SLIT2: variants seen among roughly 807,000 people sequenced by gnomAD.
SLIT2 encodes slit homolog 2 protein.
In SLIT2, 41 loss-of-function variants were observed where a neutral mutation model predicts 185.7. That is an observed-to-expected ratio of 0.22 (90% CI 0.17 to 0.29). The LOEUF (loss-of-function observed/expected upper bound fraction) is 0.29. Ranked by LOEUF, SLIT2 falls within the 10% of genes least tolerant of loss-of-function variation. The pLI is 1.00. For missense variants in SLIT2, 1,571 were observed against 1,909.0 expected, an observed-to-expected ratio of 0.82 and a Z score of 3.30; for synonymous variants, 693 against 680.2, an observed-to-expected ratio of 1.02 and a Z score of -0.29.
intron 29 of SLIT2, among the ~76,000 whole-genome samples, chr4:20,578,564 C>T (rs915709987): frequency 1.3e-5 from 2 of 152,118 alleles, no homozygotes; most frequent in African/African-American, 4.8e-5. Flanking sequence ...GCAGTATCAG[C>T]TCCAGTACCC....
At chr4:20,478,401 G>C (rs774707980) in intron 5 of SLIT2, among the ~76,000 whole-genome samples, 3 of 152,178 alleles carry the variant, frequency 2.0e-5, no homozygotes, top group Non-Finnish European at 4.4e-5. Context: ...GTATAACCAT[G>C]AGCAATATTA....
In SLIT2 at chr4:20,461,363, A is replaced by T. The variant is rs140840509; in HGVS notation, c.396-6389A>T. Among the ~76,000 whole-genome samples the T allele has an allele frequency of 3.1e-3, 475 of 152,330 alleles. 5 individuals are homozygous for T. Among genetic ancestry groups the T allele is most frequent in the African/African-American group, 0.011 (453 of 41,574 alleles). On this transcript the variant is annotated intron_variant, in intron 4 of 36. Coordinates refer to ENST00000504154, the MANE Select transcript of SLIT2 (RefSeq NM_004787.4). Reference sequence around the variant, plus strand: ...TTTGCAGGTAACCCTAAGGAGGCCAATGTGGCTGAAATAGAGAGAATGAAA... The same window carrying T: ...TTTGCAGGTAACCCTAAGGAGGCCATTGTGGCTGAAATAGAGAGAATGAAA...
chr4:20,490,550 G>GT (rs751467659), intron 8 of SLIT2, among the ~76,000 whole-genome samples: 12 of 152,074 alleles, frequency 7.9e-5, no homozygotes, highest in Non-Finnish European at 1.2e-4. Flanking sequence ...ATAATGCATC[G>GT]TAAGTAGTTC....
chr4:20,367,402 A>T (rs899644471), intron 4 of SLIT2, among the ~76,000 whole-genome samples: 2 of 152,180 alleles, frequency 1.3e-5, no homozygotes, highest in Non-Finnish European at 2.9e-5. Context: ...TTTTTAAAGC[A>T]TATAAAACTA....
At position 20,610,043 on chromosome 4, in the gene SLIT2, C is replaced by T. The variant is rs374172850; in HGVS notation, c.3723C>T (p.His1241=). ...AGACAATCAATGATGGAAACTTCCA[C>T]ATTGTGGAACTACTTGCCTTGGATC... ...SVETINDGNF[H]IVELLALDQS... is the part of the protein sequence containing the mutation. Residue 1241 remains histidine (H), a synonymous_variant, in exon 34 of 37, where the codon CAC becomes CAT. Transcript: ENST00000504154. 10 of 1,613,038 alleles carry T rather than the reference C, an allele frequency of 6.2e-6. No individual in the cohort carries two copies. The African/African-American group carries it at 1.2e-4, about 19-fold the overall frequency.
chr4:20,319,430 T>C (rs1353113772), intron 4 of SLIT2, among the ~76,000 whole-genome samples: 1 of 152,140 alleles, frequency 6.6e-6, no homozygotes, highest in African/African-American at 2.4e-5. Context: ...TTAACAATTA[T>C]TATAAAACTA....
At chr4:20,255,185 G>A in intron 1 of SLIT2, 1 of 383,104 alleles carries the variant, frequency 2.6e-6, no homozygotes, top group Non-Finnish European at 5.1e-6. Context: ...CTTTGCCCCC[G>A]GGGTGTAAGG....
chr4:20,617,528 A>T lies in SLIT2; in HGVS notation c.4226A>T (p.Glu1409Val). 1.2e-6 allele frequency: 2 copies of T among 1,614,038 alleles called. No individual in the cohort carries two copies. Among genetic ancestry groups the T allele is most frequent in the Non-Finnish European group, 1.7e-6 (2 of 1,179,980 alleles). ...EGHGGVLCDEEEDLFNPCQAI... is the reference protein window; with the variant it reads ...EGHGGVLCDEVEDLFNPCQAI... The stretch of plus-strand genomic sequence containing the variant: ...CATGGAGGTGTCCTCTGTGATGAAG[A>T]GGAGGATCTGTTTAACCCATGCCAG... The change falls in exon 36 of 37, where the codon GAG (glutamate) becomes GTG (valine). Residue 1409 changes from glutamate (E) to valine (V), a missense_variant. Glu to Val is a moderately radical substitution (Grantham distance 121, BLOSUM62 -2). Around this residue, in one of 3 missense-constraint regions of SLIT2, gnomAD observed 223 missense variants for 245.2 expected, o/e 0.91. Coordinates refer to ENST00000504154, the MANE Select transcript of SLIT2 (RefSeq NM_004787.4).
chr4:20,542,340 C>A (rs141200492), intron 20 of SLIT2, among the ~76,000 whole-genome samples, 154 bp from the exon 21 acceptor site: 1 of 152,118 alleles, frequency 6.6e-6, no homozygotes, highest in Non-Finnish European at 1.5e-5. Context: ...ATAGAACTTA[C>A]GGTATCAATT....
At chr4:20,316,845 G>T (rs1443443848) in intron 4 of SLIT2, among the ~76,000 whole-genome samples, 2 of 148,084 alleles carry the variant, frequency 1.4e-5, no homozygotes, top group Non-Finnish European at 3.0e-5. Flanking sequence ...AATCTCCAGG[G>T]ATTCTTCCTA....
chr4:20,472,303 G>GATATATATCTATAT (rs1266183007), intron 5 of SLIT2, among the ~76,000 whole-genome samples: 4 of 30,972 alleles, frequency 1.3e-4, no homozygotes, highest in African/African-American at 4.0e-4. Context: ...TAGATATATA[G>GATATATATCTATAT]ATCTATATAT....
At chr4:20,367,513 A>G (rs1342021446) in intron 4 of SLIT2, among the ~76,000 whole-genome samples, 3 of 152,164 alleles carry the variant, frequency 2.0e-5, no homozygotes, top group East Asian at 1.9e-4. Flanking sequence ...GAGACATTTG[A>G]TATATTTTTA....
In SLIT2 at chr4:20,472,419, T is replaced by TATATATAG. The variant is rs1321048136; in HGVS notation, c.467+4601_467+4608dup. On this transcript the variant is annotated intron_variant, in intron 5 of 36. Coordinates refer to ENST00000504154, the MANE Select transcript of SLIT2 (RefSeq NM_004787.4). ...ATAGATATAGATATCTATATATCTA[T>TATATATAG]ATATATAGATATCTATAGATATATA... 6.5e-3 allele frequency among the ~76,000 whole-genome samples: 478 copies of TATATATAG among 73,840 alleles called. 7 individuals are homozygous for TATATATAG. The highest frequency in any genetic ancestry group is 0.015 in the Middle Eastern group (1 of 66). The allele number at this position is 73,840 out of a possible 152,430, so 48.4% of individuals were successfully genotyped here.
chr4:20,451,316 C>G (rs145882565), intron 4 of SLIT2, among the ~76,000 whole-genome samples: 455 of 152,312 alleles, frequency 3.0e-3, no homozygotes, highest in Non-Finnish European at 4.4e-3. Flanking sequence ...AATGTTATGA[C>G]TTCTTTGGAG....
intron 4 of SLIT2, among the ~76,000 whole-genome samples, chr4:20,369,256 G>A (rs1723373856): frequency 6.6e-6 from 1 of 151,814 alleles, no homozygotes; most frequent in Non-Finnish European, 1.5e-5. Context: ...TAGTTGCCTG[G>A]TATCTTGTGT....
At chr4:20,377,920 G>T (rs561437422) in intron 4 of SLIT2, among the ~76,000 whole-genome samples, 306 of 152,116 alleles carry the variant, frequency 2.0e-3, no homozygotes, top group Non-Finnish European at 3.3e-3. Context: ...TGAAGAATAA[G>T]GAAAAACTAT....
intron 4 of SLIT2, among the ~76,000 whole-genome samples, chr4:20,303,712 A>T (rs557045649): frequency 9.2e-5 from 14 of 152,304 alleles, no homozygotes; most frequent in African/African-American, 2.9e-4. Context: ...AGACATATGT[A>T]TGTGGTTTCT....
intron 4 of SLIT2, among the ~76,000 whole-genome samples, chr4:20,294,385 T>G (rs1293338662): frequency 6.7e-6 from 1 of 149,688 alleles, no homozygotes; most frequent in Non-Finnish European, 1.5e-5. Flanking sequence ...ATAATAAAAA[T>G]GTTGTGCTGG....
intron 4 of SLIT2, among the ~76,000 whole-genome samples, chr4:20,391,583 G>A (rs914149302): frequency 2.0e-5 from 3 of 152,146 alleles, no homozygotes; most frequent in African/African-American, 7.2e-5. Flanking sequence ...TGTTGAAAAT[G>A]TGAATACTTT....
Sources: allele counts gnomAD v4.1 joint callset (sites outside exome capture counted in the v4.1 genomes callset), GRCh38; gene constraint gnomAD v4.1.1; regional missense constraint gnomAD v4.1.1; transcripts MANE v1.5; gene names NCBI Gene and HGNC (gene_info 2026-07-23, HGNC 2026-07-21).